Variants in PRUNE2 observed in about 807,000 individuals in gnomAD.
The protein encoded by PRUNE2 is protein prune homolog 2.
PRUNE2 carries 164 observed loss-of-function variants against 252.0 expected under a neutral mutation model. The observed-to-expected ratio is 0.65, with a 90% CI of 0.57 to 0.74. The LOEUF (loss-of-function observed/expected upper bound fraction) is 0.74, where lower values mean the gene tolerates loss of function less well. Among genes scored for constraint, PRUNE2 ranks in the 30% least tolerant of loss-of-function variants. The pLI is 0.00. For missense variants in PRUNE2, 3,495 were observed against 3,711.0 expected, an observed-to-expected ratio of 0.94 and a Z score of 1.51; for synonymous variants, 1,292 against 1,350.2, an observed-to-expected ratio of 0.96 and a Z score of 0.94.
In PRUNE2 at chr9:76,629,205, C is replaced by A; in HGVS notation, c.9136G>T (p.Glu3046Ter). ...LIPMDCIHIP[E>*]SIIKLDEELR... Reference sequence around the variant, plus strand: ...GTCAGGACTTACTTGATGATGCTCTCTGGAATGTGGATGCAATCCATTGGG... The same window carrying A: ...GTCAGGACTTACTTGATGATGCTCTATGGAATGTGGATGCAATCCATTGGG... Residue 3046 changes from glutamate to a stop codon, truncating the protein, a stop_gained, in exon 16 of 19, where the codon GAG becomes TAG. Transcript: ENST00000376718. LOFTEE classifies it high-confidence loss of function. The A allele has an allele frequency of 6.3e-7, 1 of 1,598,874 alleles. No homozygotes were observed.
At chr9:76,728,244 T>A (rs1472661027) in intron 6 of PRUNE2, among the ~76,000 whole-genome samples, 1 of 151,962 alleles carries the variant, frequency 6.6e-6, no homozygotes, top group Non-Finnish European at 1.5e-5. Context: ...GAAAAACTCA[T>A]CAAAACCCAT....
At chr9:76,832,355 G>A (rs2058716393) in intron 4 of PRUNE2, among the ~76,000 whole-genome samples, 1 of 152,090 alleles carries the variant, frequency 6.6e-6, no homozygotes, top group Non-Finnish European at 1.5e-5. Context: ...TTGACCATCT[G>A]TTGAAGCAGA....
rs184864284 is a variant in PRUNE2 at position 76,638,226 on chromosome 9, T to G, written c.8791A>C (p.Ser2931Arg). The change falls in exon 13 of 19, where the codon AGT becomes CGT. Residue 2931 changes from serine (S) to arginine (R), a missense_variant. By Grantham distance (110) the Ser-to-Arg change is moderately radical (BLOSUM62 -1). Coordinates refer to ENST00000376718, the MANE Select transcript of PRUNE2 (RefSeq NM_015225.3). ...VFAACFLPDS[S>R]RADYHYVMEN... ...ATGACATAGTGGTAATCCGCCCGAC[T>G]GCTGTCTGGCAGAAAACAGGCGGCA... 50 of 1,613,792 alleles carry G rather than the reference T, an allele frequency of 3.1e-5. No homozygotes were observed. In the Admixed American group the frequency reaches 6.3e-4, roughly 20 times the overall value.
At chr9:76,820,793 G>A (rs577268653) in intron 6 of PRUNE2, among the ~76,000 whole-genome samples, 2 of 152,284 alleles carry the variant, frequency 1.3e-5, no homozygotes, top group Admixed American at 6.5e-5. Flanking sequence ...GAAGAAACTG[G>A]TTGGGAGAGG....
At chr9:76,755,751 G>A (rs1034507137) in intron 6 of PRUNE2, among the ~76,000 whole-genome samples, 1 of 152,148 alleles carries the variant, frequency 6.6e-6, no homozygotes, top group Non-Finnish European at 1.5e-5. Flanking sequence ...ACCCCAGGCT[G>A]GAGTGCAGTG....
In PRUNE2 at chr9:76,851,480, G is replaced by A. The variant is rs375117292; in HGVS notation, c.142-815C>T. Reference sequence around the variant, plus strand: ...GGAGAATGGTGTGAACCCGGGAGGCGGAGCTTGCAGTGAGCCAAGATCGTG... The same window carrying A: ...GGAGAATGGTGTGAACCCGGGAGGCAGAGCTTGCAGTGAGCCAAGATCGTG... On this transcript the variant is annotated intron_variant, in intron 2 of 18. Coordinates refer to ENST00000376718, the MANE Select transcript of PRUNE2 (RefSeq NM_015225.3). Among the ~76,000 whole-genome samples, 38 of 151,936 alleles carry A rather than the reference G, an allele frequency of 2.5e-4. No individual in the cohort carries two copies. The South Asian group carries it at 5.6e-3, about 22-fold the overall frequency.
intron 4 of PRUNE2, among the ~76,000 whole-genome samples, chr9:76,834,652 A>G (rs2058854236): frequency 6.6e-6 from 1 of 152,222 alleles, no homozygotes. Flanking sequence ...GAAAACAGAC[A>G]TCTGATATTG....
At position 76,706,122 on chromosome 9, in the gene PRUNE2, T is replaced by C. The variant is rs142513881; in HGVS notation, c.6152A>G (p.Asp2051Gly). Residue 2051 changes from aspartate to glycine, a missense_variant, in exon 8 of 19, where the codon GAT (aspartate) becomes GGT (glycine). Transcript: ENST00000376718. ...CTCTTGAAAGTTGCCATGTAAAATA[T>C]CTGGCACAAAGGTACCTCGGGAGTC... ...SEDSRGTFVP[D>G]ILHGNFQEGG... The C allele has an allele frequency of 2.6e-4, 413 of 1,614,000 alleles. No homozygotes were observed. The African/African-American group carries it at 4.5e-3, about 18-fold the overall frequency.
At chr9:76,641,472 C>G (rs1842568742) in intron 12 of PRUNE2, among the ~76,000 whole-genome samples, 1 of 152,122 alleles carries the variant, frequency 6.6e-6, no homozygotes, top group African/African-American at 2.4e-5. Flanking sequence ...TTTAAAAAAT[C>G]AGATAATACT....
chr9:76,867,563 T>C, intron 1 of PRUNE2, among the ~76,000 whole-genome samples: 1 of 152,092 alleles, frequency 6.6e-6, no homozygotes, highest in East Asian at 1.9e-4. Context: ...GCAGTTTTGC[T>C]CTTTTGTTGT....
intron 3 of PRUNE2, 103 bp downstream of exon 3, chr9:76,850,360 T>C: frequency 1.1e-6 from 1 of 899,584 alleles, no homozygotes; most frequent in Non-Finnish European, 1.8e-6. Context: ...CCTCTGCTTT[T>C]AATACATCTG....
At chr9:76,642,609 A>C (rs1843052947) in intron 12 of PRUNE2, among the ~76,000 whole-genome samples, 1 of 152,216 alleles carries the variant, frequency 6.6e-6, no homozygotes, top group African/African-American at 2.4e-5. Flanking sequence ...AATAAGATTC[A>C]TGTTTACTGT....
chr9:76,773,108 T>C (rs1349242924), intron 6 of PRUNE2, among the ~76,000 whole-genome samples: 4 of 152,244 alleles, frequency 2.6e-5, no homozygotes, highest in African/African-American at 9.6e-5. Flanking sequence ...CAGCTTCCCC[T>C]ACTTTATATT....
chr9:76,858,544 T>C (rs879225012), intron 1 of PRUNE2, among the ~76,000 whole-genome samples: 1 of 151,782 alleles, frequency 6.6e-6, no homozygotes. Flanking sequence ...CACTCATAAG[T>C]GGGAGTTGAG....
intron 5 of PRUNE2, 147 bp downstream of exon 5, chr9:76,826,433 A>T: frequency 1.7e-6 from 1 of 579,468 alleles, no homozygotes; most frequent in Non-Finnish European, 2.9e-6. Flanking sequence ...AGATCATGTT[A>T]CTGCACTCCA....
chr9:76,855,064 CAA>C (rs772890225), intron 1 of PRUNE2, among the ~76,000 whole-genome samples: 27 of 78,174 alleles, frequency 3.5e-4, no homozygotes, highest in South Asian at 2.4e-3. Flanking sequence ...GACTCCATCT[CAA>C]AAAAAAAAAA....
At chr9:76,836,147 G>A (rs192927825) in intron 4 of PRUNE2, among the ~76,000 whole-genome samples, 186 of 151,982 alleles carry the variant, frequency 1.2e-3, no homozygotes, top group Middle Eastern at 6.8e-3. Flanking sequence ...AATCCCCAAT[G>A]TGATGATTCA....
At chr9:76,834,643 A>G (rs2058853619) in intron 4 of PRUNE2, among the ~76,000 whole-genome samples, 2 of 152,236 alleles carry the variant, frequency 1.3e-5, no homozygotes, top group African/African-American at 2.4e-5. Flanking sequence ...TAATTTAGTG[A>G]AAACAGACAT....
At chr9:76,875,022 C>A (rs949774463) in intron 1 of PRUNE2, among the ~76,000 whole-genome samples, 1 of 151,876 alleles carries the variant, frequency 6.6e-6, no homozygotes. Context: ...GCCTTTTTTT[C>A]CAAGCTTTTC....
Sources: allele counts gnomAD v4.1 joint callset (sites outside exome capture counted in the v4.1 genomes callset), GRCh38; gene constraint gnomAD v4.1.1; transcripts MANE v1.5; gene names NCBI Gene and HGNC (gene_info 2026-07-23, HGNC 2026-07-21).